RGS22: variants seen among roughly 807,000 people sequenced by gnomAD.
RGS22 encodes regulator of G protein signaling 22, also known as regulator of G-protein signaling 22.
RGS22 carries 148 observed loss-of-function variants against 172.9 expected under a neutral mutation model. The ratio of observed to expected loss-of-function variants is 0.86; its 90% confidence interval spans 0.75 to 0.98. The LOEUF is 0.98. RGS22 is among the 50% of genes least tolerant of loss of function. RGS22 has a pLI of 0.00. For missense variants in RGS22, 1,347 were observed against 1,440.8 expected (o/e 0.93, Z 1.05); for synonymous variants, 458 against 480.2 (o/e 0.95, Z 0.60).
In RGS22 at chr8:100,033,902, C is replaced by T. The variant is rs181026530; in HGVS notation, c.2166+5029G>A. Among the ~76,000 whole-genome samples, 495 of 152,172 alleles carry T rather than the reference C, an allele frequency of 3.3e-3. 1 individual carries two copies. Among genetic ancestry groups the T allele is most frequent in the African/African-American group, 0.011 (470 of 41,530 alleles). On this transcript the variant is annotated intron_variant, in intron 14 of 27. Transcript: ENST00000360863. ...CAATAGATGCAGGAAAGGTCTTGGA[C>T]AAAATTCAACAGCCATTCATGCTAA...
chr8:99,977,634 T>C (rs1303635046), intron 23 of RGS22, among the ~76,000 whole-genome samples: 2 of 152,194 alleles, frequency 1.3e-5, no homozygotes, highest in African/African-American at 2.4e-5. Flanking sequence ...CACAGGACTA[T>C]ATAAAGCATG....
At chr8:100,006,216 G>T in intron 15 of RGS22, 107 bp from the exon 16 acceptor site, 1 of 828,788 alleles carries the variant, frequency 1.2e-6, no homozygotes, top group Non-Finnish European at 1.9e-6. Flanking sequence ...TATTTTCAAA[G>T]CAAAAGCAGG....
chr8:100,089,374 T>C (rs1030814776), intron 3 of RGS22, among the ~76,000 whole-genome samples: 1 of 152,106 alleles, frequency 6.6e-6, no homozygotes, highest in African/African-American at 2.4e-5. Flanking sequence ...TCAATTTCTC[T>C]CATAAATGCT....
intron 14 of RGS22, among the ~76,000 whole-genome samples, chr8:100,033,274 G>A (rs1819048668): frequency 6.6e-6 from 1 of 151,908 alleles, no homozygotes. Context: ...ACCAAAGCAA[G>A]ACTAATAAAG....
intron 11 of RGS22, chr8:100,046,510 AG>A (rs1224442298): frequency 4.6e-5 from 7 of 151,308 alleles, no homozygotes; most frequent in African/African-American, 1.7e-4. Context: ...TAAAAAAAAA[AG>A]AATTAATTTA....
chr8:99,962,368 C>T (rs373963039), intron 27 of RGS22, 26 bp downstream of exon 27: 5 of 1,513,638 alleles, frequency 3.3e-6, no homozygotes, highest in Admixed American at 3.4e-5. Flanking sequence ...TGTGTGGGAC[C>T]AACCAACATT....
Position 100,105,958 on chromosome 8 carries a change from C to A in RGS22, c.-37G>T. The A allele has an allele frequency of 7.0e-7, 1 of 1,421,478 alleles. No homozygotes were observed. The highest frequency in any genetic ancestry group is 1.5e-5 in the South Asian group (1 of 68,490). 88.1% of individuals were successfully genotyped at this position (1,421,478 alleles called of 1,614,324 possible). On this transcript the variant is annotated 5_prime_UTR_variant, in exon 1 of 28. Transcript: ENST00000360863. ...TGCCCGCGCCTGGAGCCCGCGCGGG[C>A]CGTCAGGGCCCTAGCGCGCGGGTCC... is the stretch of plus-strand genomic sequence containing the variant.
intron 20 of RGS22, among the ~76,000 whole-genome samples, chr8:99,992,437 G>C (rs969451931): frequency 2.6e-5 from 4 of 152,028 alleles, no homozygotes; most frequent in African/African-American, 9.7e-5. Context: ...TCAAGCAAAT[G>C]TAAAGCAAAA....
chr8:100,096,493 A>G (rs865792784), intron 2 of RGS22, among the ~76,000 whole-genome samples: 17 of 152,210 alleles, frequency 1.1e-4, no homozygotes, highest in Middle Eastern at 3.4e-3. Flanking sequence ...AAACTTCTCA[A>G]AGGTCTTACT....
intron 16 of RGS22, among the ~76,000 whole-genome samples, chr8:100,004,869 T>C (rs1815516316): frequency 6.6e-6 from 1 of 151,802 alleles, no homozygotes; most frequent in South Asian, 2.1e-4. Context: ...TTTAGGTAAT[T>C]TTATGACCTC....
intron 20 of RGS22, among the ~76,000 whole-genome samples, chr8:99,996,085 G>A (rs1292948560): frequency 8.2e-6 from 1 of 122,496 alleles, no homozygotes; most frequent in African/African-American, 3.1e-5. Context: ...CACAGGGCGG[G>A]GAACACCACA....
chr8:100,084,580 T>C (rs962122650), intron 3 of RGS22, among the ~76,000 whole-genome samples: 1 of 152,220 alleles, frequency 6.6e-6, no homozygotes, highest in African/African-American at 2.4e-5. Flanking sequence ...ATGGAATTAA[T>C]TATAATAGAA....
intron 2 of RGS22, among the ~76,000 whole-genome samples, chr8:100,101,725 T>C (rs1465411437): frequency 6.6e-6 from 1 of 152,010 alleles, no homozygotes; most frequent in East Asian, 1.9e-4. Context: ...TTATTCTAAA[T>C]GAGTTATTCT....
rs370309407 is a variant in RGS22, at chr8:100,038,957, G to C, written c.2140C>G (p.Pro714Ala). The C allele has an allele frequency of 4.3e-6, 7 of 1,611,402 alleles. No individual in the cohort carries two copies. The East Asian group carries it at 1.3e-4, about 31-fold the overall frequency. The change falls in exon 14 of 28, where the codon CCT becomes GCT. Residue 714 changes from proline (P) to alanine (A), a missense_variant. Pro to Ala is a conservative substitution (Grantham distance 27). Coordinates refer to ENST00000360863, the MANE Select transcript of RGS22 (RefSeq NM_015668.5). ...HQLFYQETLQ[P>A]FKVCKQAQYL... Reference sequence around the variant, plus strand: ...TGCGCTTGCTTGCATACTTTAAAAGGCTGAAGTGTTTCTTGGTAGAAAAGC... The same window carrying C: ...TGCGCTTGCTTGCATACTTTAAAAGCCTGAAGTGTTTCTTGGTAGAAAAGC...
chr8:99,990,171 C>T (rs9642784), intron 20 of RGS22, among the ~76,000 whole-genome samples: 2 of 152,066 alleles, frequency 1.3e-5, no homozygotes, highest in East Asian at 1.9e-4. Flanking sequence ...ATTCAGGAGG[C>T]GAAGGCAGGA....
intron 20 of RGS22, 89 bp downstream of exon 20, chr8:99,996,373 T>C: frequency 1.9e-6 from 2 of 1,061,492 alleles, no homozygotes; most frequent in Non-Finnish European, 2.9e-6. Flanking sequence ...GTGTCCTCAG[T>C]GAGGATTTTT....
chr8:100,040,175 C>A, intron 12 of RGS22, 88 bp from the exon 13 acceptor site: 1 of 1,175,392 alleles, frequency 8.5e-7, no homozygotes, highest in Non-Finnish European at 1.2e-6. Context: ...TAAACTCTAC[C>A]ATGCTGTCAT....
chr8:100,038,776 T>C (rs1819779723), intron 14 of RGS22, 155 bp downstream of exon 14: 2 of 425,730 alleles, frequency 4.7e-6, no homozygotes, highest in Admixed American at 4.2e-5. Context: ...TATAAAACAA[T>C]ATTTTGCTGA....
chr8:100,021,509 G>A (rs2126076), intron 14 of RGS22, among the ~76,000 whole-genome samples: 87,776 of 151,964 alleles, frequency 0.58, 25,530 homozygotes, highest in Admixed American at 0.65. Flanking sequence ...TATTTGAAGA[G>A]GAAACATTAA....
Sources: gnomAD v4.1 joint callset for allele counts (sites outside exome capture counted in the v4.1 genomes callset) on GRCh38, gnomAD v4.1.1 for gene constraint, MANE v1.5 for transcripts, NCBI Gene and HGNC (gene_info 2026-07-23, HGNC 2026-07-21) for gene names.